Variants in RSPO4 observed in about 807,000 individuals in gnomAD.
RSPO4 encodes R-spondin 4, also known as R-spondin-4.
Under a neutral mutation model 24.8 loss-of-function variants are expected in RSPO4, and 23 were observed. The observed-to-expected ratio is 0.93, with a 90% confidence interval of 0.67 to 1.31. RSPO4 has a LOEUF of 1.31. RSPO4 is among the 40% of genes most tolerant of loss of function. The pLI, the probability that RSPO4 is intolerant of heterozygous loss-of-function variation, is 0.00. For missense variants in RSPO4, 333 were observed against 316.5 expected (o/e 1.05, Z -0.39); for synonymous variants, 141 against 127.4 (o/e 1.11, Z -0.72).
intron 1 of RSPO4, among the ~76,000 whole-genome samples, chr20:1,000,665 G>C (rs1015030696): frequency 1.3e-5 from 2 of 152,182 alleles, no homozygotes; most frequent in African/African-American, 4.8e-5. Flanking sequence ...TCACTCAGTT[G>C]GTAACTGGGG....
chr20:1,000,430 T>C (rs148422594), intron 1 of RSPO4, among the ~76,000 whole-genome samples: 60 of 152,264 alleles, frequency 3.9e-4, no homozygotes, highest in African/African-American at 1.4e-3. Context: ...TGAGAATGAT[T>C]AATACTTACG....
chr20:960,671 C>T (rs1983964117), intron 4 of RSPO4, among the ~76,000 whole-genome samples: 1 of 152,360 alleles, frequency 6.6e-6, no homozygotes. Flanking sequence ...CTCTCTAGGT[C>T]TTCAGGGAGT....
intron 1 of RSPO4, among the ~76,000 whole-genome samples, chr20:990,245 G>C (rs1985054229): frequency 6.6e-6 from 1 of 152,170 alleles, no homozygotes; most frequent in African/African-American, 2.4e-5. Context: ...AGGCACACCA[G>C]GGATGGACCC....
At position 960,026 on chromosome 20, in the gene RSPO4, C is replaced by T. The variant is rs1983933833; in HGVS notation, c.*331G>A. On this transcript the variant is annotated 3_prime_UTR_variant, in exon 5 of 5. Coordinates refer to ENST00000217260, the MANE Select transcript of RSPO4 (RefSeq NM_001029871.4). ...TCTTAAAGTGTGTGTGAGAGGGAGACAAGAGGAGGGAGAGAGAGAAGGATG... is the reference window on the plus strand; with the variant it reads ...TCTTAAAGTGTGTGTGAGAGGGAGATAAGAGGAGGGAGAGAGAGAAGGATG... 3 of 399,426 alleles carry T rather than the reference C, an allele frequency of 7.5e-6. No individual in the cohort carries two copies. The highest frequency in any genetic ancestry group is 4.2e-5 in the Admixed American group (1 of 23,752). The allele number at this position is 399,426 out of a possible 1,614,324, so 24.7% of individuals were successfully genotyped here. A position where few individuals can be genotyped will look rare whatever the true frequency, so the allele number is the denominator to read the frequency against.
chr20:976,072 T>G (rs1984552376), intron 1 of RSPO4, among the ~76,000 whole-genome samples: 2 of 152,124 alleles, frequency 1.3e-5, no homozygotes, highest in African/African-American at 4.8e-5. Context: ...ATGAGATCCC[T>G]CGTCTCTGTG....
intron 1 of RSPO4, among the ~76,000 whole-genome samples, chr20:989,401 C>T (rs184268292): frequency 2.6e-5 from 4 of 152,182 alleles, no homozygotes; most frequent in Non-Finnish European, 4.4e-5. Context: ...TAATAACCTG[C>T]GGAGCACCTG....
chr20:984,721 G>T (rs867026344), intron 1 of RSPO4, among the ~76,000 whole-genome samples: 77 of 152,216 alleles, frequency 5.1e-4, no homozygotes, highest in African/African-American at 1.8e-3. Flanking sequence ...GAGAGCCCCA[G>T]ATGTGGACTC....
rs1209502650 is a variant in RSPO4 at position 960,189 on chromosome 20, GAAAA to G, written c.*164_*167del. The G allele has an allele frequency of 1.7e-6, 1 of 601,992 alleles. No individual in the cohort carries two copies. Among genetic ancestry groups the G allele is most frequent in the East Asian group, 2.8e-5 (1 of 36,122 alleles). The allele number at this position is 601,992 out of a possible 1,614,324, so 37.3% of individuals were successfully genotyped here. ...TGGAAGAAATAAAGGAAATAAAAAA[GAAAA>G]AGAAAGGGAAGGTAGACTGACAGAA... On this transcript the variant is annotated 3_prime_UTR_variant, in exon 5 of 5. Coordinates refer to ENST00000217260, the MANE Select transcript of RSPO4 (RefSeq NM_001029871.4).
At chr20:964,405 C>T (rs992272931) in intron 3 of RSPO4, among the ~76,000 whole-genome samples, 19 of 151,968 alleles carry the variant, frequency 1.3e-4, no homozygotes, top group Non-Finnish European at 7.4e-5. Context: ...GAGGGGAGCT[C>T]GTCAGGTGAG....
intron 1 of RSPO4, among the ~76,000 whole-genome samples, chr20:993,062 C>T (rs529712628): frequency 5.3e-5 from 8 of 152,196 alleles, no homozygotes; most frequent in Non-Finnish European, 1.2e-4. Flanking sequence ...TCCACCCTGG[C>T]GGATGTGGGC....
chr20:977,537 T>C (rs762005103), intron 1 of RSPO4, among the ~76,000 whole-genome samples: 22 of 152,180 alleles, frequency 1.4e-4, no homozygotes, highest in Non-Finnish European at 2.5e-4. Flanking sequence ...TATCACCACC[T>C]GCCCTGCCTG....
At chr20:982,668 T>C (rs1159107185) in intron 1 of RSPO4, among the ~76,000 whole-genome samples, 1 of 152,228 alleles carries the variant, frequency 6.6e-6, no homozygotes, top group Admixed American at 6.5e-5. Flanking sequence ...TGGGCTGGTC[T>C]GATGTGACCT....
At chr20:977,318 G>T (rs1271716622) in intron 1 of RSPO4, among the ~76,000 whole-genome samples, 1 of 152,202 alleles carries the variant, frequency 6.6e-6, no homozygotes, top group Non-Finnish European at 1.5e-5. Context: ...GTGGAACAGG[G>T]TTAAGAGCCA....
rs922180587 is a variant in RSPO4 at position 958,647 on chromosome 20, G to A, written c.*1710C>T. 3.3e-5 allele frequency: 4 copies of A among 120,932 alleles called. No individual in the cohort carries two copies. The highest frequency in any genetic ancestry group is 1.4e-4 in the African/African-American group (4 of 29,318). 7.5% of individuals were successfully genotyped at this position (120,932 alleles called of 1,614,324 possible). On this transcript the variant is annotated 3_prime_UTR_variant, in exon 5 of 5. Coordinates refer to ENST00000217260, the MANE Select transcript of RSPO4 (RefSeq NM_001029871.4). Reference sequence around the variant, plus strand: ...GTCAGAGAGAGGGTGGGCCTGCTGGGAGGGGGGGGTTCAGGCCAGGGCTCC... The same window carrying A: ...GTCAGAGAGAGGGTGGGCCTGCTGGAAGGGGGGGGTTCAGGCCAGGGCTCC...
chr20:964,763 T>TACAC (rs367722868), intron 3 of RSPO4, among the ~76,000 whole-genome samples: 352 of 138,590 alleles, frequency 2.5e-3, no homozygotes, highest in Non-Finnish European at 3.6e-3. Context: ...CACATATATA[T>TACAC]ACACACACAC....
rs1468894345 is a variant in RSPO4, at chr20:958,713, T to A, written c.*1644A>T. On this transcript the variant is annotated 3_prime_UTR_variant, in exon 5 of 5. Transcript: ENST00000217260. ...AGGGCAGGTCTGAGGGTGGGTGCTC[T>A]CTTGGGGTCGGGAATGTAATATTTC... 1.3e-5 allele frequency: 2 copies of A among 151,746 alleles called. No individual in the cohort carries two copies. Among genetic ancestry groups the A allele is most frequent in the Non-Finnish European group, 2.9e-5 (2 of 68,014 alleles). 9.4% of individuals were successfully genotyped at this position (151,746 alleles called of 1,614,324 possible). A position where few individuals can be genotyped will look rare whatever the true frequency, so the allele number is the denominator to read the frequency against.
intron 1 of RSPO4, among the ~76,000 whole-genome samples, chr20:987,564 T>A (rs559707275): frequency 1.3e-5 from 2 of 151,840 alleles, no homozygotes; most frequent in South Asian, 4.2e-4. Context: ...GGTGGGAGGA[T>A]TACTTAAGGC....
chr20:974,035 C>T (rs781593134), intron 1 of RSPO4, among the ~76,000 whole-genome samples: 1 of 152,168 alleles, frequency 6.6e-6, no homozygotes, highest in Non-Finnish European at 1.5e-5. Flanking sequence ...CCTAAAGTCA[C>T]GGGTGCAGGC....
At chr20:972,780 C>A (rs1470524956) in intron 1 of RSPO4, among the ~76,000 whole-genome samples, 1 of 152,230 alleles carries the variant, frequency 6.6e-6, no homozygotes, top group African/African-American at 2.4e-5. Context: ...TCAGTGGAGA[C>A]CAAGTTGCCC....
Sources: allele counts gnomAD v4.1 joint callset (sites outside exome capture counted in the v4.1 genomes callset), GRCh38; gene constraint gnomAD v4.1.1; transcripts MANE v1.5; gene names NCBI Gene and HGNC (gene_info 2026-07-23, HGNC 2026-07-21).